CDKL3: variants seen among roughly 807,000 people sequenced by gnomAD.
CDKL3 encodes cyclin dependent kinase like 3, also known as cyclin-dependent kinase-like 3.
In CDKL3, 65 loss-of-function variants were observed where a neutral mutation model predicts 69.3. The ratio of observed to expected loss-of-function variants is 0.94; its 90% CI spans 0.77 to 1.15. The LOEUF is 1.15. Among genes scored for constraint, CDKL3 ranks in the 50% most tolerant of loss-of-function variants. CDKL3 has a pLI of 0.00. For synonymous variants in CDKL3, 202 were observed against 221.6 expected, an observed-to-expected ratio of 0.91 and a Z score of 0.79; for missense variants, 652 against 689.2, an observed-to-expected ratio of 0.95 and a Z score of 0.61.
intron 4 of CDKL3, among the ~76,000 whole-genome samples, chr5:134,326,664 G>T (rs1774275450): frequency 6.6e-6 from 1 of 151,132 alleles, no homozygotes; most frequent in Non-Finnish European, 1.5e-5. Context: ...TTTTAAGATG[G>T]AGTTTCACTC....
intron 6 of CDKL3, among the ~76,000 whole-genome samples, chr5:134,312,599 C>T (rs751914270): frequency 6.6e-6 from 1 of 152,186 alleles, no homozygotes; most frequent in Non-Finnish European, 1.5e-5. Context: ...GTTAAATGTC[C>T]CATGATTCTA....
chr5:134,359,843 G>A, intron 3 of CDKL3, 54 bp downstream of exon 3: 1 of 1,105,552 alleles, frequency 9.0e-7, no homozygotes, highest in Non-Finnish European at 1.3e-6. Flanking sequence ...AATGTATAAG[G>A]AGCACTTATG....
intron 2 of CDKL3, among the ~76,000 whole-genome samples, chr5:134,364,450 A>G (rs1444127813): frequency 6.6e-6 from 1 of 152,186 alleles, no homozygotes; most frequent in Non-Finnish European, 1.5e-5. Context: ...CAATTGTATC[A>G]ATCACTGAAC....
chr5:134,310,317 C>T (rs528136261), intron 7 of CDKL3, among the ~76,000 whole-genome samples: 2 of 151,736 alleles, frequency 1.3e-5, no homozygotes, highest in Non-Finnish European at 2.9e-5. Context: ...TCCTGAGTAG[C>T]TGGCATTACA....
At chr5:134,340,141 A>G (rs1340934015) in intron 4 of CDKL3, among the ~76,000 whole-genome samples, 2 of 152,184 alleles carry the variant, frequency 1.3e-5, no homozygotes. Flanking sequence ...GCAACAGAGC[A>G]AGATCCTGTC....
upstream of CDKL3, chr5:134,371,452 T>C: frequency 2.8e-6 from 3 of 1,053,992 alleles, no homozygotes; most frequent in East Asian, 2.6e-5. Flanking sequence ...GGAGACGTCA[T>C]TGCAGGGTTG....
intron 3 of CDKL3, among the ~76,000 whole-genome samples, chr5:134,352,483 T>G (rs1445542475): frequency 1.3e-5 from 2 of 152,040 alleles, no homozygotes; most frequent in Non-Finnish European, 2.9e-5. Flanking sequence ...GTATTTTTAG[T>G]GGAGATGGGG....
chr5:134,371,596 A>C (rs757079456), upstream of CDKL3: 6 of 1,612,040 alleles, frequency 3.7e-6, no homozygotes, highest in Non-Finnish European at 4.2e-6. Flanking sequence ...GCTGCGGAGC[A>C]TGTCGACCCC....
chr5:134,363,914 T>C (rs1012998634), intron 2 of CDKL3, among the ~76,000 whole-genome samples: 5 of 139,568 alleles, frequency 3.6e-5, no homozygotes, highest in Admixed American at 3.1e-4. Flanking sequence ...GCTATGATCA[T>C]GCCACTGCGC....
At chr5:134,287,835 C>T (rs955622425) in intron 8 of CDKL3, among the ~76,000 whole-genome samples, 6 of 152,004 alleles carry the variant, frequency 3.9e-5, no homozygotes, top group Non-Finnish European at 8.8e-5. Flanking sequence ...CCTGGATCTG[C>T]CTAAATTAAC....
At chr5:134,366,937 C>T (rs1343239320) in intron 1 of CDKL3, 40 bp downstream of exon 1, 1 of 991,528 alleles carries the variant, frequency 1.0e-6, no homozygotes, top group Non-Finnish European at 1.2e-6. Context: ...AAAGCCTGGT[C>T]TCGCCCGCAA....
At chr5:134,333,829 T>C (rs780268541) in intron 4 of CDKL3, among the ~76,000 whole-genome samples, 12 of 152,218 alleles carry the variant, frequency 7.9e-5, no homozygotes, top group Non-Finnish European at 1.6e-4. Flanking sequence ...CCTCATAAAA[T>C]GAGTTAGGGA....
chr5:134,359,150 T>C (rs1267431123), intron 3 of CDKL3, among the ~76,000 whole-genome samples: 2 of 150,980 alleles, frequency 1.3e-5, no homozygotes, highest in Non-Finnish European at 2.9e-5. Flanking sequence ...TGGTGGTTGA[T>C]TGAGGAGGAG....
At chr5:134,368,825 C>G (rs1221688729), upstream of CDKL3, among the ~76,000 whole-genome samples, 1 of 151,874 alleles carries the variant, frequency 6.6e-6, no homozygotes, top group Non-Finnish European at 1.5e-5. Context: ...ATCACTTGAG[C>G]CCAGGAGTTC....
chr5:134,332,144 GT>G (rs1175059283), intron 4 of CDKL3, among the ~76,000 whole-genome samples: 2 of 152,062 alleles, frequency 1.3e-5, no homozygotes, highest in African/African-American at 2.4e-5. Context: ...TGATGCAGTT[GT>G]TTTTTTCTTG....
In CDKL3 at chr5:134,367,146, A is replaced by G; in HGVS notation, c.-191T>C. 2 of 985,664 alleles carry G rather than the reference A, an allele frequency of 2.0e-6. No homozygotes were observed. Among genetic ancestry groups the G allele is most frequent in the Non-Finnish European group, 2.4e-6 (2 of 830,142 alleles). 61.1% of individuals were successfully genotyped at this position (985,664 alleles called of 1,614,324 possible). A position where few individuals can be genotyped will look rare whatever the true frequency, so the allele number is the denominator to read the frequency against. On this transcript the variant is annotated 5_prime_UTR_variant, in exon 1 of 13. Coordinates refer to ENST00000265334, the MANE Select transcript of CDKL3 (RefSeq NM_001113575.2). ...AGGAACCGGCCACTTGCCACCATGG[A>G]AACGCCGGCGGAGTTGCTGCGTTCT... is the stretch of plus-strand genomic sequence containing the variant.
intron 3 of CDKL3, among the ~76,000 whole-genome samples, chr5:134,357,470 A>C (rs1306274646): frequency 6.6e-6 from 1 of 151,804 alleles, no homozygotes; most frequent in Non-Finnish European, 1.5e-5. Context: ...AAATAAAATA[A>C]AAATACAAAA....
chr5:134,355,249 A>C (rs897636522), intron 3 of CDKL3, among the ~76,000 whole-genome samples: 2 of 151,842 alleles, frequency 1.3e-5, no homozygotes, highest in South Asian at 2.1e-4. Context: ...AAAAAAAAAA[A>C]AAAAAAACAG....
chr5:134,365,851 AAC>A (rs1042491369), intron 2 of CDKL3, among the ~76,000 whole-genome samples: 2 of 152,180 alleles, frequency 1.3e-5, no homozygotes, highest in African/African-American at 2.4e-5. Flanking sequence ...CCTAGAACAC[AAC>A]AGTTTCTCCC....
Sources: gnomAD v4.1 joint callset for allele counts (sites outside exome capture counted in the v4.1 genomes callset) on GRCh38, gnomAD v4.1.1 for gene constraint, MANE v1.5 for transcripts, NCBI Gene and HGNC (gene_info 2026-07-23, HGNC 2026-07-21) for gene names.